Variants in RYR3 observed in about 807,000 individuals in gnomAD.
The protein encoded by RYR3 is ryanodine receptor 3.
A neutral mutation model predicts 584.3 loss-of-function variants in RYR3; 207 were observed. The ratio of observed to expected loss-of-function variants is 0.35; its 90% CI spans 0.32 to 0.40. The LOEUF is 0.40. Ranked by LOEUF, RYR3 falls within the 10% of genes least tolerant of loss-of-function variation. RYR3 has a pLI of 1.00. For synonymous variants in RYR3, 2,416 were observed against 2,248.5 expected (o/e 1.07, Z -2.11); for missense variants, 5,616 against 6,089.2 (o/e 0.92, Z 2.59).
At chr15:33,749,363 C>T (rs527625185) in intron 55 of RYR3, among the ~76,000 whole-genome samples, 1 of 152,290 alleles carries the variant, frequency 6.6e-6, no homozygotes, top group East Asian at 1.9e-4. Flanking sequence ...CCGTTGCTCC[C>T]CTCCTGTACA....
intron 1 of RYR3, among the ~76,000 whole-genome samples, chr15:33,425,858 G>A (rs980623158): frequency 3.9e-5 from 6 of 152,034 alleles, no homozygotes; most frequent in East Asian, 3.9e-4. Flanking sequence ...TAGCCAGGAT[G>A]GTCTCAATCT....
intron 1 of RYR3, among the ~76,000 whole-genome samples, chr15:33,345,382 T>G (rs993543680): frequency 1.3e-5 from 2 of 152,136 alleles, no homozygotes; most frequent in Non-Finnish European, 2.9e-5. Context: ...GGTTCTCCCT[T>G]TGTCACTCTG....
At chr15:33,602,356 A>T (rs1322838126) in intron 17 of RYR3, among the ~76,000 whole-genome samples, 1 of 152,042 alleles carries the variant, frequency 6.6e-6, no homozygotes, top group African/African-American at 2.4e-5. Flanking sequence ...GCTTTTAACC[A>T]CTTTGCTGGA....
chr15:33,684,874 C>T (rs1435901439), intron 38 of RYR3, among the ~76,000 whole-genome samples: 3 of 152,134 alleles, frequency 2.0e-5, no homozygotes, highest in Admixed American at 2.0e-4. Context: ...GAAACAAAAT[C>T]CTTTATAGAC....
intron 12 of RYR3, among the ~76,000 whole-genome samples, chr15:33,569,300 A>G (rs2057892182): frequency 6.6e-6 from 1 of 152,204 alleles, no homozygotes; most frequent in Non-Finnish European, 1.5e-5. Context: ...CATAAAACTT[A>G]TCGTTTTAGC....
At chr15:33,354,851 G>A (rs1345310311) in intron 1 of RYR3, among the ~76,000 whole-genome samples, 1 of 152,116 alleles carries the variant, frequency 6.6e-6, no homozygotes, top group African/African-American at 2.4e-5. Context: ...CCACCTTTCG[G>A]CAGCATTCAT....
At chr15:33,771,074 T>A (rs1367331367) in intron 62 of RYR3, among the ~76,000 whole-genome samples, 1 of 152,186 alleles carries the variant, frequency 6.6e-6, no homozygotes, top group Non-Finnish European at 1.5e-5. Context: ...CTGATTAAGC[T>A]GTCTACTTTA....
chr15:33,785,543 C>T, intron 65 of RYR3, 119 bp from the exon 66 acceptor site: 1 of 807,530 alleles, frequency 1.2e-6, no homozygotes, highest in Non-Finnish European at 1.9e-6. Flanking sequence ...TCCAAGCTCA[C>T]TGCTGTGAAG....
In RYR3 at chr15:33,720,356, G is replaced by A. The variant is rs375225759; in HGVS notation, c.6620-2359G>A. 1.8e-4 allele frequency among the ~76,000 whole-genome samples: 27 copies of A among 152,230 alleles called. 1 individual carries two copies. In the East Asian group the frequency reaches 2.3e-3, roughly 13 times the overall value. ...GAGCCTGAGTTAATTACAGGCATTC[G>A]GACAGCAAGCTCAGCTGCCACCCCA... On this transcript the variant is annotated intron_variant, in intron 43 of 103. Transcript: ENST00000634891.
intron 67 of RYR3, among the ~76,000 whole-genome samples, chr15:33,796,566 T>C (rs2152926093): frequency 6.6e-6 from 1 of 152,358 alleles, no homozygotes; most frequent in East Asian, 1.9e-4. Context: ...TGCTGCTCTT[T>C]TGGTTGTTGT....
rs1303565004 is a variant in RYR3, at chr15:33,390,874, G to A, written c.51+79778G>A. Among the ~76,000 whole-genome samples the A allele has an allele frequency of 1.3e-5, 2 of 152,144 alleles. No homozygotes were observed. Among genetic ancestry groups the A allele is most frequent in the Non-Finnish European group, 2.9e-5 (2 of 68,032 alleles). The stretch of plus-strand genomic sequence containing the variant: ...TGCACACAGTACTGTACTTTCAGTT[G>A]CTGGAGAAAGGAACATGCTCAGTTG... On this transcript the variant is annotated intron_variant, in intron 1 of 103. Coordinates refer to ENST00000634891, the MANE Select transcript of RYR3 (RefSeq NM_001036.6). The surrounding 1 kb of genome is among the most constrained non-coding windows in gnomAD (Gnocchi z 4.2).
intron 99 of RYR3, 145 bp downstream of exon 99, chr15:33,858,059 C>G: frequency 9.4e-7 from 1 of 1,064,820 alleles, no homozygotes; most frequent in Non-Finnish European, 1.3e-6. Flanking sequence ...AAGTAGAAGA[C>G]AGATGTCTTC....
At chr15:33,613,876 G>A (rs975434984) in intron 19 of RYR3, among the ~76,000 whole-genome samples, 2 of 152,104 alleles carry the variant, frequency 1.3e-5, no homozygotes, top group African/African-American at 4.8e-5. Context: ...GAGTCATTGA[G>A]TATCTTCAAA....
intron 18 of RYR3, among the ~76,000 whole-genome samples, chr15:33,605,959 G>A (rs985563948): frequency 6.6e-6 from 1 of 152,210 alleles, no homozygotes; most frequent in Admixed American, 6.5e-5. Context: ...TACCTTTAAA[G>A]TTATTTGTGT....
chr15:33,720,868 T>C (rs1054440638), intron 43 of RYR3, among the ~76,000 whole-genome samples: 1 of 137,154 alleles, frequency 7.3e-6, no homozygotes, highest in Non-Finnish European at 1.6e-5. Flanking sequence ...AGCCAGACCC[T>C]GTCTCTTAAA....
At chr15:33,640,479 C>T (rs961547845) in intron 27 of RYR3, among the ~76,000 whole-genome samples, 1 of 152,224 alleles carries the variant, frequency 6.6e-6, no homozygotes, top group African/African-American at 2.4e-5. Context: ...ACCTCCCTCT[C>T]TCTAAGATGT....
intron 1 of RYR3, among the ~76,000 whole-genome samples, chr15:33,438,062 A>G (rs2045889089): frequency 6.6e-6 from 1 of 152,196 alleles, no homozygotes; most frequent in Non-Finnish European, 1.5e-5. Flanking sequence ...CTTCAGAGAT[A>G]ACCTCTAACC....
At chr15:33,864,971 A>ACAGCCTGT in intron 103 of RYR3, 160 bp from the exon 104 acceptor site, 1 of 565,344 alleles carries the variant, frequency 1.8e-6, no homozygotes, top group Non-Finnish European at 3.1e-6. Flanking sequence ...TGCTTCCCAA[A>ACAGCCTGT]CAGCCTGTGC....
At chr15:33,574,489 A>G (rs527777698) in intron 12 of RYR3, among the ~76,000 whole-genome samples, 1 of 152,252 alleles carries the variant, frequency 6.6e-6, no homozygotes, top group South Asian at 2.1e-4. Context: ...TCATTTGCAA[A>G]CACTAACTGA....
Sources: allele counts gnomAD v4.1 joint callset (sites outside exome capture counted in the v4.1 genomes callset), GRCh38; gene constraint gnomAD v4.1.1; non-coding constraint Gnocchi (gnomAD v3.1); transcripts MANE v1.5; gene names NCBI Gene and HGNC (gene_info 2026-07-23, HGNC 2026-07-21).